Variants in SYNPO2 observed in about 807,000 individuals in gnomAD.
SYNPO2 encodes synaptopodin-2.
In SYNPO2, 56 loss-of-function variants were observed where a neutral mutation model predicts 85.0. That is an observed-to-expected ratio of 0.66 (90% CI 0.53 to 0.82). The LOEUF is 0.82. SYNPO2 is among the 40% of genes least tolerant of loss of function. The probability of loss-of-function intolerance (pLI) is 0.00; values close to 1 mark genes in which losing one functional copy is unlikely to be tolerated. For synonymous variants in SYNPO2, 602 were observed against 591.1 expected (o/e 1.02, Z -0.27); for missense variants, 1,575 against 1,534.2 (o/e 1.03, Z -0.44).
chr4:119,031,799 C>T lies in SYNPO2; in HGVS notation c.3024C>T (p.Pro1008=), dbSNP rs1410532328. ...TGGCCATGAAGCAAGCTCTTCCTCC[C>T]CGGCCAGTGAATGCTGCCTCACCTA... ...SALAMKQALP[P]RPVNAASPTN... Residue 1008 remains proline, a synonymous_variant, in exon 4 of 5, where the codon CCC becomes CCT. Coordinates refer to ENST00000307142, the MANE Select transcript of SYNPO2 (RefSeq NM_133477.3). 6.2e-7 allele frequency: 1 copy of T among 1,614,112 alleles called. No individual in the cohort carries two copies. The highest frequency in any genetic ancestry group is 2.2e-5 in the East Asian group (1 of 44,890).
chr4:119,007,951 C>T (rs766368680), intron 1 of SYNPO2, among the ~76,000 whole-genome samples: 12 of 152,000 alleles, frequency 7.9e-5, no homozygotes, highest in Non-Finnish European at 1.6e-4. Flanking sequence ...TTGTAAGGTA[C>T]ATTATTATAA....
intron 1 of SYNPO2, among the ~76,000 whole-genome samples, chr4:118,953,622 A>G (rs955818238): frequency 1.3e-5 from 2 of 152,142 alleles, no homozygotes; most frequent in African/African-American, 2.4e-5. Context: ...GATAATTAAA[A>G]ATTACTCAGA....
chr4:118,922,703 A>G (rs1446364258), intron 1 of SYNPO2, among the ~76,000 whole-genome samples: 1 of 151,502 alleles, frequency 6.6e-6, no homozygotes, highest in African/African-American at 2.4e-5. Flanking sequence ...TTAGAAGATC[A>G]ACTGGCATTT....
At chr4:118,900,349 C>T (rs1481004488) in intron 1 of SYNPO2, among the ~76,000 whole-genome samples, 3 of 152,102 alleles carry the variant, frequency 2.0e-5, no homozygotes, top group African/African-American at 4.8e-5. Flanking sequence ...AAATTTGGAA[C>T]ATCCATTTAT....
chr4:118,923,247 C>A (rs1263110576), intron 1 of SYNPO2, among the ~76,000 whole-genome samples: 3 of 152,086 alleles, frequency 2.0e-5, no homozygotes, highest in African/African-American at 7.2e-5. Context: ...TTTTCAGCCA[C>A]ATGGATGGAG....
chr4:118,986,140 T>C (rs1239249249), intron 1 of SYNPO2, among the ~76,000 whole-genome samples: 3 of 152,244 alleles, frequency 2.0e-5, no homozygotes, highest in Admixed American at 2.0e-4. Context: ...GTTCTCACAA[T>C]TTTAAATCCT....
At chr4:118,926,016 G>A (rs942356478) in intron 1 of SYNPO2, among the ~76,000 whole-genome samples, 1 of 152,154 alleles carries the variant, frequency 6.6e-6, no homozygotes, top group Non-Finnish European at 1.5e-5. Context: ...ACAGTAGTCG[G>A]TGGGAGGGCA....
intron 1 of SYNPO2, among the ~76,000 whole-genome samples, chr4:118,891,323 A>G (rs1732373436): frequency 6.6e-6 from 1 of 152,118 alleles, no homozygotes; most frequent in African/African-American, 2.4e-5. Context: ...GTTTGCCTTA[A>G]TTTTTGTGTG....
In SYNPO2 at chr4:118,918,513, T is replaced by C. The variant is rs899394497; in HGVS notation, c.105+29372T>C. On this transcript the variant is annotated intron_variant, in intron 1 of 4. Coordinates refer to ENST00000307142, the MANE Select transcript of SYNPO2 (RefSeq NM_133477.3). Reference sequence around the variant, plus strand: ...GATTTCCTTAAAAGGCAGTTGTTTCTTTTTTCCTTTGCTTCTCTGGAGAAT... The same window carrying C: ...GATTTCCTTAAAAGGCAGTTGTTTCCTTTTTCCTTTGCTTCTCTGGAGAAT... 3.9e-5 allele frequency among the ~76,000 whole-genome samples: 6 copies of C among 152,206 alleles called. No homozygotes were observed. In the East Asian group the frequency reaches 5.8e-4, roughly 15 times the overall value.
rs1223762378 is a variant in SYNPO2, at chr4:119,058,893, G to A, written c.*959G>A. 2 of 152,142 alleles carry A rather than the reference G, an allele frequency of 1.3e-5. No homozygotes were observed. The highest frequency in any genetic ancestry group is 2.9e-5 in the Non-Finnish European group (2 of 68,024). The allele number at this position is 152,142 out of a possible 1,614,324, so 9.4% of individuals were successfully genotyped here. ...AATAAGATTATTACACATTTTGGAAGGACTTTTGAGGAATGATGTGATGTG... is the reference window on the plus strand; with the variant it reads ...AATAAGATTATTACACATTTTGGAAAGACTTTTGAGGAATGATGTGATGTG... On this transcript the variant is annotated 3_prime_UTR_variant, in exon 5 of 5. Transcript: ENST00000307142.
chr4:118,895,321 T>C (rs2149115918), intron 1 of SYNPO2, among the ~76,000 whole-genome samples: 1 of 152,248 alleles, frequency 6.6e-6, no homozygotes, highest in Non-Finnish European at 1.5e-5. Flanking sequence ...CCTCCATGGT[T>C]GAGGGAAGGA....
Position 119,031,198 on chromosome 4 carries a change from T to C in SYNPO2, c.2423T>C (p.Ile808Thr), listed in dbSNP as rs760188668. 2.5e-6 allele frequency: 4 copies of C among 1,614,116 alleles called. No individual in the cohort carries two copies. The Admixed American group carries it at 5.0e-5, about 20-fold the overall frequency. The change falls in exon 4 of 5, where the codon ATA (isoleucine) becomes ACA (threonine). Residue 808 changes from isoleucine (I) to threonine (T), a missense_variant. Around this residue, in one of 3 missense-constraint regions of SYNPO2, gnomAD observed 1,508 missense variants for 1,446.8 expected, o/e 1.04. Coordinates refer to ENST00000307142, the MANE Select transcript of SYNPO2 (RefSeq NM_133477.3). The stretch of plus-strand genomic sequence containing the variant: ...GGCACCGTTGTCTCCTCCATCAAAA[T>C]AGCCCAGCCTTCTTACCCTCCTGCC... Reference protein sequence around the residue: ...SKGTVVSSIKIAQPSYPPARP... With the variant: ...SKGTVVSSIKTAQPSYPPARP...
At chr4:118,993,899 C>T (rs1445070720) in intron 1 of SYNPO2, among the ~76,000 whole-genome samples, 11 of 152,290 alleles carry the variant, frequency 7.2e-5, no homozygotes, top group South Asian at 2.1e-4. Context: ...GCTGGAAGCA[C>T]GGAATGATTT....
chr4:118,872,389 A>T (rs1485536562), intron 1 of SYNPO2, among the ~76,000 whole-genome samples: 1 of 152,258 alleles, frequency 6.6e-6, no homozygotes, highest in Non-Finnish European at 1.5e-5. Context: ...ACCTGCAAGA[A>T]CAAACTCCTA....
chr4:118,897,297 C>A (rs1167854957), intron 1 of SYNPO2, among the ~76,000 whole-genome samples: 3 of 152,124 alleles, frequency 2.0e-5, no homozygotes, highest in Non-Finnish European at 4.4e-5. Context: ...GATCCAATCC[C>A]CTCCCACCAG....
intron 1 of SYNPO2, among the ~76,000 whole-genome samples, chr4:118,980,252 CT>C (rs753578117): frequency 6.6e-6 from 1 of 152,150 alleles, no homozygotes; most frequent in Non-Finnish European, 1.5e-5. Flanking sequence ...TGGGGGCCCA[CT>C]CAGACCTTAC....
intron 1 of SYNPO2, among the ~76,000 whole-genome samples, chr4:118,852,708 G>A (rs998202320): frequency 6.6e-6 from 1 of 152,224 alleles, no homozygotes; most frequent in East Asian, 1.9e-4. Context: ...CACACACTGG[G>A]GCCTATTGGA....
chr4:118,943,612 T>C (rs1242362056), intron 1 of SYNPO2, among the ~76,000 whole-genome samples: 10 of 152,348 alleles, frequency 6.6e-5, no homozygotes, highest in African/African-American at 2.2e-4. Flanking sequence ...TGTCATGCTC[T>C]TTTGAATATC....
chr4:119,033,433 T>C (rs1738369691), intron 4 of SYNPO2: 1 of 985,328 alleles, frequency 1.0e-6, no homozygotes, highest in South Asian at 4.7e-5. Context: ...ATAATGGTAC[T>C]GAAAGTAAAC....
Sources: gnomAD v4.1 joint callset for allele counts (sites outside exome capture counted in the v4.1 genomes callset) on GRCh38, gnomAD v4.1.1 for gene constraint, gnomAD v4.1.1 regional missense constraint, MANE v1.5 for transcripts, NCBI Gene and HGNC (gene_info 2026-07-23, HGNC 2026-07-21) for gene names.